ACACA: variants seen among roughly 807,000 people sequenced by gnomAD.
The protein encoded by ACACA is acetyl-CoA carboxylase 1.
ACACA carries 103 observed loss-of-function variants against 296.1 expected under a neutral mutation model. The ratio of observed to expected loss-of-function variants is 0.35; its 90% confidence interval spans 0.30 to 0.41. The LOEUF (loss-of-function observed/expected upper bound fraction) is 0.41, where lower values mean the gene tolerates loss of function less well. Ranked by LOEUF, ACACA falls within the 10% of genes least tolerant of loss-of-function variation. The pLI, the probability that ACACA is intolerant of heterozygous loss-of-function variation, is 1.00. For missense variants in ACACA, 1,554 were observed against 2,989.7 expected (o/e 0.52, Z 11.20); for synonymous variants, 953 against 1,038.6 (o/e 0.92, Z 1.58).
intron 45 of ACACA, among the ~76,000 whole-genome samples, chr17:37,142,083 CATG>C (rs2075613596): frequency 1.3e-5 from 2 of 150,742 alleles, no homozygotes. Context: ...GGTTGTCAAA[CATG>C]ATAATTTCCG....
chr17:37,400,669 C>T (rs950454589), intron 1 of ACACA, among the ~76,000 whole-genome samples: 7 of 152,052 alleles, frequency 4.6e-5, no homozygotes, highest in African/African-American at 1.7e-4. Flanking sequence ...CCTCCAGGTC[C>T]ATCTATGTTG....
At chr17:37,380,930 A>G (rs1452381925) in intron 1 of ACACA, among the ~76,000 whole-genome samples, 1 of 149,948 alleles carries the variant, frequency 6.7e-6, no homozygotes, top group African/African-American at 2.5e-5. Flanking sequence ...TTTTGCATGC[A>G]CACAGTAAAA....
intron 29 of ACACA, among the ~76,000 whole-genome samples, chr17:37,214,356 T>C (rs2078891673): frequency 6.6e-6 from 1 of 152,194 alleles, no homozygotes; most frequent in East Asian, 1.9e-4. Flanking sequence ...TACAATAAAA[T>C]GATCATTACT....
At chr17:37,206,609 T>TA (rs2078512120) in intron 32 of ACACA, among the ~76,000 whole-genome samples, 174 bp downstream of exon 32, 1 of 152,164 alleles carries the variant, frequency 6.6e-6, no homozygotes, top group South Asian at 2.1e-4. Flanking sequence ...AGTTAGGATT[T>TA]ATATTCCACT....
At chr17:37,136,914 G>T (rs1171549625) in intron 45 of ACACA, among the ~76,000 whole-genome samples, 2 of 151,072 alleles carry the variant, frequency 1.3e-5, no homozygotes, top group Non-Finnish European at 2.9e-5. Flanking sequence ...CTGTACTCCA[G>T]CCTGAGCGAC....
intron 25 of ACACA, among the ~76,000 whole-genome samples, chr17:37,231,993 G>A (rs1207995984): frequency 6.6e-6 from 1 of 152,140 alleles, no homozygotes; most frequent in Admixed American, 6.5e-5. Context: ...CCTTTAAATG[G>A]AGGAAACCTG....
intron 52 of ACACA, among the ~76,000 whole-genome samples, chr17:37,109,258 A>G (rs1411087931): frequency 6.6e-6 from 1 of 152,204 alleles, no homozygotes; most frequent in Non-Finnish European, 1.5e-5. Flanking sequence ...TCATATTTTC[A>G]CATGTGGGAC....
intron 55 of ACACA, among the ~76,000 whole-genome samples, chr17:37,088,457 G>A (rs1316101536): frequency 6.6e-6 from 1 of 152,150 alleles, no homozygotes; most frequent in Non-Finnish European, 1.5e-5. Flanking sequence ...TCTTTGTACT[G>A]TTTTTAATTT....
chr17:37,124,699 T>TA (rs2074692684), intron 48 of ACACA, among the ~76,000 whole-genome samples: 1 of 152,088 alleles, frequency 6.6e-6, no homozygotes, highest in Non-Finnish European at 1.5e-5. Flanking sequence ...AACAGACAGG[T>TA]AGGCTCTGGG....
intron 41 of ACACA, among the ~76,000 whole-genome samples, chr17:37,174,178 C>T (rs1038368895): frequency 1.3e-5 from 2 of 149,302 alleles, no homozygotes; most frequent in Admixed American, 6.7e-5. Flanking sequence ...AGTCTTTAAA[C>T]TTTAATTTAC....
intron 1 of ACACA, among the ~76,000 whole-genome samples, chr17:37,384,783 C>A (rs1874927115): frequency 6.6e-6 from 1 of 152,210 alleles, no homozygotes; most frequent in Non-Finnish European, 1.5e-5. Context: ...TCGGGGATCA[C>A]CTCTTCCCCT....
intron 25 of ACACA, among the ~76,000 whole-genome samples, chr17:37,226,855 A>C (rs2079564072): frequency 1.3e-5 from 2 of 152,240 alleles, no homozygotes; most frequent in Non-Finnish European, 1.5e-5. Flanking sequence ...TTTGGAAAGA[A>C]GGTAGATATA....
intron 1 of ACACA, among the ~76,000 whole-genome samples, chr17:37,348,399 T>C (rs1265778264): frequency 6.6e-6 from 1 of 151,988 alleles, no homozygotes; most frequent in African/African-American, 2.4e-5. Context: ...TTTCAGAAAC[T>C]GAACACAAGA....
chr17:37,194,183 G>T (rs933437766), intron 35 of ACACA, among the ~76,000 whole-genome samples: 2 of 152,012 alleles, frequency 1.3e-5, no homozygotes, highest in Non-Finnish European at 2.9e-5. Flanking sequence ...GGCAGTGCTG[G>T]AATCAAATCA....
intron 1 of ACACA, among the ~76,000 whole-genome samples, chr17:37,379,752 A>G (rs538499861): frequency 1.3e-4 from 20 of 150,580 alleles, no homozygotes; most frequent in Admixed American, 8.0e-4. Context: ...TTAGAATGGC[A>G]ATCATTAAAA....
chr17:37,345,508 C>T (rs933800925), intron 1 of ACACA: 2 of 152,140 alleles, frequency 1.3e-5, no homozygotes, highest in Non-Finnish European at 2.9e-5. Flanking sequence ...TAAATATAAA[C>T]AGACAATAAA....
intron 25 of ACACA, among the ~76,000 whole-genome samples, chr17:37,231,885 T>A (rs1448599010): frequency 6.6e-6 from 1 of 152,226 alleles, no homozygotes; most frequent in Non-Finnish European, 1.5e-5. Flanking sequence ...GTTCTAAGCT[T>A]TTTCCTATAA....
In ACACA at chr17:37,210,362, T is replaced by C; in HGVS notation, c.3707+105A>G. 4 of 1,059,496 alleles carry C rather than the reference T, an allele frequency of 3.8e-6. No homozygotes were observed. In the South Asian group the frequency reaches 5.2e-5, roughly 14 times the overall value. 65.6% of individuals were successfully genotyped at this position (1,059,496 alleles called of 1,614,324 possible). ...GGGGAGCTCAGGACTCCCTAGCAGA[T>C]AACACATTATCTTGTCAAGTGTTGT... On this transcript the variant is annotated intron_variant, in intron 30 of 55. Transcript: ENST00000616317.
chr17:37,159,150 C>T (rs1289868600), intron 42 of ACACA, among the ~76,000 whole-genome samples: 1 of 151,574 alleles, frequency 6.6e-6, no homozygotes, highest in Non-Finnish European at 1.5e-5. Context: ...TGTACTCCAG[C>T]CTGGGTGACA....
Sources: allele counts gnomAD v4.1 joint callset (sites outside exome capture counted in the v4.1 genomes callset), GRCh38; gene constraint gnomAD v4.1.1; transcripts MANE v1.5; gene names NCBI Gene and HGNC (gene_info 2026-07-23, HGNC 2026-07-21).